ARAP2: variants seen among roughly 807,000 people sequenced by gnomAD.
The protein encoded by ARAP2 is ArfGAP with RhoGAP domain, ankyrin repeat and PH domain 2, also known as arf-GAP with Rho-GAP domain, ANK repeat and PH domain-containing protein 2.
ARAP2 carries 148 observed loss-of-function variants against 194.5 expected under a neutral mutation model. That is an observed-to-expected ratio of 0.76 (90% CI 0.67 to 0.87). The LOEUF is 0.87. Ranked by LOEUF, ARAP2 falls within the 40% of genes least tolerant of loss-of-function variation. The probability of loss-of-function intolerance (pLI) is 0.00; values close to 1 mark genes in which losing one functional copy is unlikely to be tolerated. For missense variants in ARAP2, 2,128 were observed against 1,989.7 expected (o/e 1.07, Z -1.32); for synonymous variants, 695 against 683.5 (o/e 1.02, Z -0.26).
chr4:36,132,915 T>C (rs1215848095), intron 20 of ARAP2, among the ~76,000 whole-genome samples: 6 of 151,932 alleles, frequency 3.9e-5, no homozygotes, highest in African/African-American at 1.2e-4. Flanking sequence ...TTCAATCTAC[T>C]ATTTTTTCTT....
chr4:36,151,932 T>G (rs539958091), intron 15 of ARAP2, among the ~76,000 whole-genome samples: 1 of 152,290 alleles, frequency 6.6e-6, no homozygotes, highest in East Asian at 1.9e-4. Flanking sequence ...TCTTAGAACT[T>G]TTCTGTAAGT....
At chr4:36,224,248 T>A (rs1294282612) in intron 2 of ARAP2, among the ~76,000 whole-genome samples, 1 of 147,814 alleles carries the variant, frequency 6.8e-6, no homozygotes. Context: ...AATAAATAAA[T>A]AAAAACAGTT....
intron 1 of ARAP2, among the ~76,000 whole-genome samples, chr4:36,060,071 C>T (rs1387388141): frequency 6.6e-6 from 1 of 152,106 alleles, no homozygotes; most frequent in Non-Finnish European, 1.5e-5. Flanking sequence ...AATGCTACTT[C>T]TATCTTATGA....
intron 5 of ARAP2, among the ~76,000 whole-genome samples, chr4:36,044,019 T>C (rs868235235): frequency 6.6e-6 from 1 of 152,106 alleles, no homozygotes; most frequent in African/African-American, 2.4e-5. Context: ...TGCTTCTGGA[T>C]GACATAACTC....
chr4:36,047,647 G>T (rs191732358), intron 3 of ARAP2, among the ~76,000 whole-genome samples: 1 of 152,132 alleles, frequency 6.6e-6, no homozygotes, highest in Admixed American at 6.5e-5. Context: ...TTATTCCTGA[G>T]GTTACCACTT....
At chr4:36,083,935 C>A (rs1167526505) in intron 28 of ARAP2, among the ~76,000 whole-genome samples, 3 of 152,064 alleles carry the variant, frequency 2.0e-5, no homozygotes, top group Non-Finnish European at 2.9e-5. Context: ...GATGGAAGAG[C>A]AGACTTGCTA....
At chr4:36,033,039 G>A (rs988358535) in intron 5 of ARAP2, among the ~76,000 whole-genome samples, 2 of 152,140 alleles carry the variant, frequency 1.3e-5, no homozygotes, top group African/African-American at 4.8e-5. Flanking sequence ...ATTCCACACT[G>A]TATATGCACC....
Position 36,067,319 on chromosome 4 carries a change from C to A in ARAP2, c.*588G>T, listed in dbSNP as rs1195666723. 1 of 152,606 alleles carries A rather than the reference C, an allele frequency of 6.6e-6. No individual in the cohort carries two copies. Among genetic ancestry groups the A allele is most frequent in the Non-Finnish European group, 1.5e-5 (1 of 68,026 alleles). The allele number at this position is 152,606 out of a possible 1,614,324, so 9.5% of individuals were successfully genotyped here. On this transcript the variant is annotated 3_prime_UTR_variant, in exon 33 of 33. Transcript: ENST00000303965. Reference sequence around the variant, plus strand: ...TTGACAAGTTCTGGTCATTAGTGAACTAGAATGAATCTTAGCTCACTTCCT... The same window carrying A: ...TTGACAAGTTCTGGTCATTAGTGAAATAGAATGAATCTTAGCTCACTTCCT...
intron 9 of ARAP2, 53 bp downstream of exon 9, chr4:36,177,774 G>A (rs113181348): frequency 5.4e-6 from 8 of 1,474,554 alleles, no homozygotes; most frequent in African/African-American, 4.2e-5. Context: ...ACAAAACATA[G>A]TTGTTACTAT....
intron 2 of ARAP2, among the ~76,000 whole-genome samples, chr4:36,223,293 AT>A (rs1749556135): frequency 6.6e-6 from 1 of 152,132 alleles, no homozygotes; most frequent in Admixed American, 6.6e-5. Context: ...CAAATCAAAA[AT>A]ATCAATGATT....
At chr4:36,127,245 A>C (rs1724159514) in intron 21 of ARAP2, among the ~76,000 whole-genome samples, 1 of 152,088 alleles carries the variant, frequency 6.6e-6, no homozygotes, top group African/African-American at 2.4e-5. Context: ...CTTAAAACAA[A>C]AATGAGGGGT....
At chr4:36,175,417 T>C (rs1312497090) in intron 9 of ARAP2, among the ~76,000 whole-genome samples, 1 of 152,172 alleles carries the variant, frequency 6.6e-6, no homozygotes, top group Non-Finnish European at 1.5e-5. Context: ...ATGGGCAACT[T>C]TCCTCTGGGG....
At chr4:36,105,926 G>C (rs1015463556) in intron 27 of ARAP2, among the ~76,000 whole-genome samples, 1 of 151,934 alleles carries the variant, frequency 6.6e-6, no homozygotes, top group Non-Finnish European at 1.5e-5. Flanking sequence ...GAGAATTAGA[G>C]ATATTGCAGA....
intron 1 of ARAP2, chr4:36,243,504 C>T (rs1753985418): frequency 6.6e-6 from 1 of 151,682 alleles, no homozygotes; most frequent in African/African-American, 2.4e-5. Context: ...TTATCAAAGG[C>T]TATATAATCC....
chr4:36,151,162 A>C (rs1372171373), intron 15 of ARAP2, 118 bp from the exon 16 acceptor site: 1 of 917,336 alleles, frequency 1.1e-6, no homozygotes, highest in East Asian at 2.7e-5. Flanking sequence ...TTAATTTCCT[A>C]TTTCACATAA....
At chr4:36,223,528 C>T (rs995929365) in intron 2 of ARAP2, among the ~76,000 whole-genome samples, 5 of 152,064 alleles carry the variant, frequency 3.3e-5, no homozygotes, top group Admixed American at 1.3e-4. Flanking sequence ...AATTTCTATG[C>T]AAGTAAAGAA....
chr4:36,014,070 T>C (rs1715064085), intron 8 of ARAP2, among the ~76,000 whole-genome samples: 1 of 151,250 alleles, frequency 6.6e-6, no homozygotes, highest in African/African-American at 2.4e-5. Flanking sequence ...CCACCAAAAC[T>C]ACAAAAAATG....
At chr4:36,125,846 C>T (rs1417244083) in intron 21 of ARAP2, among the ~76,000 whole-genome samples, 1 of 151,982 alleles carries the variant, frequency 6.6e-6, no homozygotes, top group Non-Finnish European at 1.5e-5. Context: ...CTTATTATTT[C>T]CTCTCAATTC....
At chr4:36,073,977 A>T (rs1237366995) in intron 31 of ARAP2, 154 bp from the exon 32 acceptor site, 1 of 979,286 alleles carries the variant, frequency 1.0e-6, no homozygotes, top group Non-Finnish European at 1.5e-6. Context: ...CTCTGGTGGC[A>T]GCATCGCTCC....
Sources: allele counts gnomAD v4.1 joint callset (sites outside exome capture counted in the v4.1 genomes callset), GRCh38; gene constraint gnomAD v4.1.1; transcripts MANE v1.5; gene names NCBI Gene and HGNC (gene_info 2026-07-23, HGNC 2026-07-21).